AKR1C3: variants seen among roughly 807,000 people sequenced by gnomAD.
The protein encoded by AKR1C3 is aldo-keto reductase family 1 member C3, also known as 3-alpha hydroxysteroid dehydrogenase, type II.
Under a neutral mutation model 43.6 loss-of-function variants are expected in AKR1C3, and 48 were observed. The ratio of observed to expected loss-of-function variants is 1.10; its 90% CI spans 0.87 to 1.40. AKR1C3 has a LOEUF of 1.40. AKR1C3 is among the 40% of genes most tolerant of loss of function. The pLI is 0.00. For missense variants in AKR1C3, 482 were observed against 391.2 expected (o/e 1.23, Z -1.96); for synonymous variants, 162 against 139.6 (o/e 1.16, Z -1.13).
intron 1 of AKR1C3, among the ~76,000 whole-genome samples, chr10:5,057,323 G>A (rs894829395): frequency 3.0e-4 from 45 of 152,336 alleles, no homozygotes; most frequent in Non-Finnish European, 1.5e-4. Context: ...TAAGGCTGCA[G>A]CCTTTCTCTG....
intron 6 of AKR1C3, 134 bp from the exon 7 acceptor site, chr10:5,102,351 T>C: frequency 6.3e-7 from 1 of 1,598,316 alleles, no homozygotes; most frequent in Non-Finnish European, 8.5e-7. Flanking sequence ...AGATCTTGGA[T>C]GATGCTGATG....
At chr10:5,060,287 CTT>C (rs1838354478) in intron 1 of AKR1C3, among the ~76,000 whole-genome samples, 1 of 152,188 alleles carries the variant, frequency 6.6e-6, no homozygotes, top group Admixed American at 6.5e-5. Context: ...CTTTTATTCT[CTT>C]TTCTGGTCCC....
In AKR1C3 at chr10:5,094,542, C is replaced by G. The variant is rs1839166425; in HGVS notation, c.84+14C>G. On this transcript the variant is annotated intron_variant, in intron 1 of 8. Transcript: ENST00000380554. ...GCACCTCCAGAGGTAAGAATAATTCCTTTTAGTTTTCGGATTTCAAAAGAA... is the reference window on the plus strand; with the variant it reads ...GCACCTCCAGAGGTAAGAATAATTCGTTTTAGTTTTCGGATTTCAAAAGAA... 2 of 1,611,684 alleles carry G rather than the reference C, an allele frequency of 1.2e-6. No individual in the cohort carries two copies. The highest frequency in any genetic ancestry group is 3.3e-5 in the Admixed American group (2 of 59,928).
upstream of AKR1C3, among the ~76,000 whole-genome samples, chr10:5,089,482 GAA>G (rs1554783782): frequency 1.3e-5 from 2 of 151,862 alleles, no homozygotes; most frequent in African/African-American, 4.8e-5. Flanking sequence ...GGATTAATTT[GAA>G]AGACTAGTCT....
chr10:5,083,842 T>C (rs544877914), intron 1 of AKR1C3, among the ~76,000 whole-genome samples: 1 of 152,300 alleles, frequency 6.6e-6, no homozygotes, highest in East Asian at 1.9e-4. Flanking sequence ...TGATGAGCAT[T>C]TTTTCATGTA....
At chr10:5,067,016 A>C (rs1253873008) in intron 1 of AKR1C3, among the ~76,000 whole-genome samples, 1 of 151,882 alleles carries the variant, frequency 6.6e-6, no homozygotes, top group African/African-American at 2.4e-5. Context: ...CATGATGTGG[A>C]TTAAGAGGAG....
rs1282847961 is a variant in AKR1C3, at chr10:5,107,680, G to A, written c.*177G>A. 1.8e-6 allele frequency: 1 copy of A among 552,858 alleles called. No individual in the cohort carries two copies. The highest frequency in any genetic ancestry group is 3.1e-5 in the East Asian group (1 of 31,750). 34.2% of individuals were successfully genotyped at this position (552,858 alleles called of 1,614,324 possible). On this transcript the variant is annotated 3_prime_UTR_variant, in exon 9 of 9. Coordinates refer to ENST00000380554, the MANE Select transcript of AKR1C3 (RefSeq NM_003739.6). ...AAAGACAATAAATTTTTATCATTTT[G>A]AAATAATTGAATGTTTTCTCAAAGA...
intron 1 of AKR1C3, among the ~76,000 whole-genome samples, chr10:5,051,374 G>C (rs1353166450): frequency 3.9e-5 from 6 of 152,220 alleles, no homozygotes; most frequent in Non-Finnish European, 7.3e-5. Context: ...TGGGATTACA[G>C]GCATGAGCCA....
At chr10:5,094,351 G>T, upstream of AKR1C3, 1 of 896,360 alleles carries the variant, frequency 1.1e-6, no homozygotes, top group Admixed American at 2.0e-5. Flanking sequence ...CAGTCAGTTT[G>T]CAGGGGTGGG....
upstream of AKR1C3, among the ~76,000 whole-genome samples, chr10:5,091,307 T>A (rs1839084149): frequency 6.6e-6 from 1 of 152,108 alleles, no homozygotes; most frequent in African/African-American, 2.4e-5. Flanking sequence ...ACAAACGTTA[T>A]GGCTTGAAAC....
chr10:5,090,029 C>T (rs1012873431), upstream of AKR1C3, among the ~76,000 whole-genome samples: 2 of 152,012 alleles, frequency 1.3e-5, no homozygotes, highest in Non-Finnish European at 1.5e-5. Flanking sequence ...CATTGAGTTG[C>T]GCAGTTCAAT....
intron 1 of AKR1C3, among the ~76,000 whole-genome samples, chr10:5,051,760 C>T (rs1554778954): frequency 2.0e-5 from 3 of 152,152 alleles, no homozygotes; most frequent in South Asian, 2.1e-4. Context: ...TTAGACATAC[C>T]GCCTTTGGCT....
At chr10:5,048,844 T>C (rs1838089407) in exon 1 of AKR1C3, 3 of 1,613,890 alleles carry the variant, frequency 1.9e-6, no homozygotes, top group Admixed American at 1.7e-5. Flanking sequence ...TGAAGCTAAA[T>C]GATGGTCACT....
intron 8 of AKR1C3, 128 bp downstream of exon 8, chr10:5,105,805 C>CCTGCTGGATT (rs1554787117): frequency 3.4e-5 from 24 of 712,634 alleles, no homozygotes; most frequent in Non-Finnish European, 5.8e-5. Flanking sequence ...CTGGAACTCT[C>CCTGCTGGATT]CTGCTGGATT....
chr10:5,078,152 G>A (rs558578606), intron 1 of AKR1C3, among the ~76,000 whole-genome samples: 3 of 152,166 alleles, frequency 2.0e-5, no homozygotes, highest in East Asian at 1.9e-4. Flanking sequence ...AGTCAGGTGC[G>A]GTGGCTCATG....
At chr10:5,096,978 T>C (rs1223850112) in intron 2 of AKR1C3, among the ~76,000 whole-genome samples, 2 of 152,158 alleles carry the variant, frequency 1.3e-5, no homozygotes, top group Non-Finnish European at 2.9e-5. Flanking sequence ...GAGTATTAAA[T>C]AATAGACACT....
chr10:5,098,015 C>G, intron 3 of AKR1C3: 7 of 1,005,758 alleles, frequency 7.0e-6, no homozygotes, highest in Non-Finnish European at 8.3e-6. Context: ...TGTGGACTTG[C>G]AAAGCTTTAT....
chr10:5,105,533 A>C, intron 7 of AKR1C3, 62 bp from the exon 8 acceptor site: 1 of 1,254,780 alleles, frequency 8.0e-7, no homozygotes, highest in Non-Finnish European at 1.1e-6. Flanking sequence ...CCTACTGTCT[A>C]ATATACTTGG....
At position 5,098,964 on chromosome 10, in the gene AKR1C3, T is replaced by C. The variant is rs34291069; in HGVS notation, c.447+85T>C. ...AGGTTCAATAGGAAAGAATGGAATA[T>C]GCACCATTAGATCTAGAAATTCAGA... On this transcript the variant is annotated intron_variant, in intron 4 of 8. Transcript: ENST00000380554. 1.2e-3 allele frequency: 1,320 copies of C among 1,118,070 alleles called. 3 individuals are homozygous for C. The highest frequency in any genetic ancestry group is 1.3e-3 in the Non-Finnish European group (1,021 of 763,890). The allele number at this position is 1,118,070 out of a possible 1,614,324, so 69.3% of individuals were successfully genotyped here.
Sources: allele counts gnomAD v4.1 joint callset (sites outside exome capture counted in the v4.1 genomes callset), GRCh38; gene constraint gnomAD v4.1.1; transcripts MANE v1.5; gene names NCBI Gene and HGNC (gene_info 2026-07-23, HGNC 2026-07-21).